Variants in BFAR observed in about 807,000 individuals in gnomAD.
The protein encoded by BFAR is bifunctional apoptosis regulator, also known as RING finger protein 47.
In BFAR, 52 loss-of-function variants were observed where a neutral mutation model predicts 54.4. The ratio of observed to expected loss-of-function variants is 0.96; its 90% CI spans 0.77 to 1.21. BFAR has a LOEUF of 1.21. Among genes scored for constraint, BFAR ranks in the 50% most tolerant of loss-of-function variants. The pLI is 0.00. For missense variants in BFAR, 571 were observed against 534.0 expected (o/e 1.07, Z -0.68); for synonymous variants, 215 against 204.3 (o/e 1.05, Z -0.45).
At chr16:14,651,666 GAC>G (rs1483499394) in intron 4 of BFAR, among the ~76,000 whole-genome samples, 1 of 151,910 alleles carries the variant, frequency 6.6e-6, no homozygotes, top group Non-Finnish European at 1.5e-5. Context: ...TTTTAATAGA[GAC>G]AGGGTTTTGC....
chr16:14,638,867 T>G (rs1409739756), intron 1 of BFAR, among the ~76,000 whole-genome samples: 1 of 151,100 alleles, frequency 6.6e-6, no homozygotes, highest in African/African-American at 2.4e-5. Context: ...ATTGCTTGAA[T>G]CCAGGAGGCG....
At chr16:14,664,820 G>T (rs1226227913) in intron 6 of BFAR, 49 bp from the exon 7 acceptor site, 1 of 1,534,722 alleles carries the variant, frequency 6.5e-7, no homozygotes, top group Admixed American at 1.7e-5. Context: ...AATATTTTGT[G>T]TAAAAGTCAG....
chr16:14,644,119 C>T (rs544719197), intron 1 of BFAR, among the ~76,000 whole-genome samples, 155 bp from the exon 2 acceptor site: 10 of 149,806 alleles, frequency 6.7e-5, no homozygotes, highest in South Asian at 2.1e-4. Flanking sequence ...GCTGAGATCA[C>T]GCCACTGCAC....
intron 6 of BFAR, among the ~76,000 whole-genome samples, chr16:14,663,923 C>G (rs766914417): frequency 2.0e-5 from 3 of 151,672 alleles, no homozygotes; most frequent in Non-Finnish European, 4.4e-5. Context: ...TCATTTCAAC[C>G]TTTTTGCTAA....
At chr16:14,641,780 G>C (rs1336193150) in intron 1 of BFAR, among the ~76,000 whole-genome samples, 1 of 151,132 alleles carries the variant, frequency 6.6e-6, no homozygotes, top group African/African-American at 2.4e-5. Context: ...AGAATCGCTT[G>C]AACCCCAGGA....
chr16:14,655,077 C>A lies in BFAR; in HGVS notation c.650C>A (p.Thr217Asn). 2 of 1,606,102 alleles carry A rather than the reference C, an allele frequency of 1.2e-6. No individual in the cohort carries two copies. The highest frequency in any genetic ancestry group is 2.7e-5 in the African/African-American group (2 of 74,524). ...CTGCCCCTCTACAGGTTGCTTTTAA[C>A]TTTGACAGAGGAAGAATTTTCCAAG... ...SERVNGRLLL[T>N]LTEEEFSKTP... The change falls in exon 5 of 8, where the codon ACT (threonine) becomes AAT (asparagine). Residue 217 changes from threonine (T) to asparagine (N), a missense_variant. Transcript: ENST00000261658.
At chr16:14,640,454 T>G (rs766412550) in intron 1 of BFAR, among the ~76,000 whole-genome samples, 62 of 152,052 alleles carry the variant, frequency 4.1e-4, no homozygotes, top group Non-Finnish European at 6.8e-4. Context: ...GATCTCTGGG[T>G]TTTTGTTTTT....
At chr16:14,654,993 A>G in intron 4 of BFAR, 73 bp from the exon 5 acceptor site, 2 of 1,370,418 alleles carry the variant, frequency 1.5e-6, no homozygotes, top group Non-Finnish European at 1.9e-6. Context: ...TATTAGTAAG[A>G]TGGAACTCTG....
rs1264025265 is a variant in BFAR, at chr16:14,669,118, C to A, written c.*1291C>A. On this transcript the variant is annotated 3_prime_UTR_variant, in exon 8 of 8. Transcript: ENST00000261658. ...CATCCAAAATATTATCTTGTGACTC[C>A]ATGAACCATTCATTAACCCTTTGTA... The A allele has an allele frequency of 2.3e-6, 1 of 440,404 alleles. No homozygotes were observed. The highest frequency in any genetic ancestry group is 4.6e-6 in the Non-Finnish European group (1 of 218,370). 27.3% of individuals were successfully genotyped at this position (440,404 alleles called of 1,614,324 possible).
intron 1 of BFAR, among the ~76,000 whole-genome samples, chr16:14,644,040 G>A (rs1274040524): frequency 2.6e-5 from 4 of 151,728 alleles, no homozygotes; most frequent in Non-Finnish European, 4.4e-5. Context: ...GGTTGCACCT[G>A]TAGTCCCAGC....
At chr16:14,646,969 G>C (rs952604727) in intron 2 of BFAR, among the ~76,000 whole-genome samples, 2 of 151,514 alleles carry the variant, frequency 1.3e-5, no homozygotes, top group African/African-American at 4.9e-5. Context: ...TAGCGATCAG[G>C]TCTCACTATG....
At chr16:14,657,309 C>T (rs868223706) in intron 5 of BFAR, among the ~76,000 whole-genome samples, 35 of 150,296 alleles carry the variant, frequency 2.3e-4, no homozygotes, top group African/African-American at 7.6e-4. Context: ...AGTGCAGTGG[C>T]GCGATCTCAG....
At chr16:14,658,464 A>G (rs1960190967) in intron 5 of BFAR, among the ~76,000 whole-genome samples, 2 of 152,192 alleles carry the variant, frequency 1.3e-5, no homozygotes, top group Non-Finnish European at 2.9e-5. Flanking sequence ...CTGCAGTTCC[A>G]TTTTACAGGC....
chr16:14,654,800 G>A (rs748519978), intron 4 of BFAR, among the ~76,000 whole-genome samples: 2 of 152,100 alleles, frequency 1.3e-5, no homozygotes, highest in Non-Finnish European at 2.9e-5. Context: ...CAGCCAAAGC[G>A]AGTTTTCTGA....
intron 5 of BFAR, among the ~76,000 whole-genome samples, chr16:14,657,393 C>T (rs904156097): frequency 3.1e-4 from 47 of 151,740 alleles, no homozygotes; most frequent in Non-Finnish European, 3.7e-4. Flanking sequence ...GGACTACAGG[C>T]GCCCACCACC....
At chr16:14,654,493 CTTTTTTTTTTTT>C (rs55673619) in intron 4 of BFAR, among the ~76,000 whole-genome samples, 2 of 89,140 alleles carry the variant, frequency 2.2e-5, no homozygotes, top group African/African-American at 9.6e-5. Context: ...GTGAGTTTTC[CTTTTTTTTTTTT>C]TTTTTTTTTT....
Position 14,661,975 on chromosome 16 carries a change from T to C in BFAR, c.867T>C (p.Phe289=). ...TGAGTCTGCTCTACCTGTACCTGTT[T>C]GACTACACCGACACCTTCCTACCTT... The part of the protein sequence containing the change: ...PRLSLLYLYL[F]DYTDTFLPFI... The change falls in exon 6 of 8, where the codon TTT becomes TTC. Residue 289 remains phenylalanine (F), a synonymous_variant. Coordinates refer to ENST00000261658, the MANE Select transcript of BFAR (RefSeq NM_016561.3). 6.2e-7 allele frequency: 1 copy of C among 1,614,186 alleles called. No individual in the cohort carries two copies. The highest frequency in any genetic ancestry group is 1.1e-5 in the South Asian group (1 of 91,084).
chr16:14,642,239 A>G (rs149165749), intron 1 of BFAR, among the ~76,000 whole-genome samples: 37 of 152,342 alleles, frequency 2.4e-4, no homozygotes, highest in African/African-American at 8.9e-4. Flanking sequence ...TCATTTCTAT[A>G]GCGCGTATTT....
At chr16:14,665,400 G>A (rs1284026760) in intron 7 of BFAR, among the ~76,000 whole-genome samples, 1 of 152,190 alleles carries the variant, frequency 6.6e-6, no homozygotes, top group Non-Finnish European at 1.5e-5. Flanking sequence ...TTTTAAGGTA[G>A]GCAGGCCTGT....
Sources: gnomAD v4.1 joint callset for allele counts (sites outside exome capture counted in the v4.1 genomes callset) on GRCh38, gnomAD v4.1.1 for gene constraint, MANE v1.5 for transcripts, NCBI Gene and HGNC (gene_info 2026-07-23, HGNC 2026-07-21) for gene names.